PPP2R3A: variants seen among roughly 807,000 people sequenced by gnomAD.
PPP2R3A encodes the protein protein phosphatase 2 regulatory subunit B''alpha.
PPP2R3A carries 80 observed loss-of-function variants against 106.9 expected under a neutral mutation model. That is an observed-to-expected ratio of 0.75 (90% CI 0.62 to 0.90). The LOEUF (loss-of-function observed/expected upper bound fraction) is 0.90, where lower values mean the gene tolerates loss of function less well. Ranked by LOEUF, PPP2R3A falls within the 40% of genes least tolerant of loss-of-function variation. The pLI is 0.00. For missense variants in PPP2R3A, 1,386 were observed against 1,350.4 expected (o/e 1.03, Z -0.41); for synonymous variants, 483 against 468.3 (o/e 1.03, Z -0.41).
chr3:136,118,159 C>T (rs1197441316), intron 13 of PPP2R3A, among the ~76,000 whole-genome samples: 1 of 152,164 alleles, frequency 6.6e-6, no homozygotes, highest in Non-Finnish European at 1.5e-5. Context: ...TAGAAAAGGC[C>T]TTCGACAAAA....
At chr3:136,007,269 A>G (rs1236036136) in intron 2 of PPP2R3A, among the ~76,000 whole-genome samples, 2 of 152,232 alleles carry the variant, frequency 1.3e-5, no homozygotes, top group Non-Finnish European at 2.9e-5. Context: ...GAATGAATAA[A>G]TGAGTAAGTG....
intron 7 of PPP2R3A, among the ~76,000 whole-genome samples, chr3:136,081,250 C>G (rs1349514876): frequency 6.6e-6 from 1 of 152,194 alleles, no homozygotes; most frequent in Non-Finnish European, 1.5e-5. Context: ...CTCAGCCTCC[C>G]AAAGTGCTGG....
At chr3:136,074,528 A>G (rs142236497) in intron 6 of PPP2R3A, among the ~76,000 whole-genome samples, 1 of 152,254 alleles carries the variant, frequency 6.6e-6, no homozygotes, top group East Asian at 1.9e-4. Context: ...ATTGCCAGTG[A>G]ATAAAAGGTT....
intron 6 of PPP2R3A, among the ~76,000 whole-genome samples, chr3:136,072,645 G>T (rs1936473472): frequency 6.6e-6 from 1 of 152,132 alleles, no homozygotes; most frequent in African/African-American, 2.4e-5. Flanking sequence ...GAGAATTATT[G>T]GGTTCTGAAT....
At chr3:136,032,035 G>T (rs1934910905) in intron 3 of PPP2R3A, among the ~76,000 whole-genome samples, 1 of 152,142 alleles carries the variant, frequency 6.6e-6, no homozygotes, top group South Asian at 2.1e-4. Flanking sequence ...TTCTAATTCT[G>T]TGAAAAATGT....
chr3:136,048,088 CT>C (rs1265272832), intron 4 of PPP2R3A, among the ~76,000 whole-genome samples: 1 of 151,804 alleles, frequency 6.6e-6, no homozygotes, highest in African/African-American at 2.4e-5. Flanking sequence ...ACATGTACCC[CT>C]GTACCTATAA....
chr3:136,008,058 A>G lies in PPP2R3A; in HGVS notation c.1995+4565A>G, dbSNP rs79209724. 3.0e-4 allele frequency among the ~76,000 whole-genome samples: 46 copies of G among 152,360 alleles called. 1 individual carries two copies. In the East Asian group the frequency reaches 6.9e-3, roughly 23 times the overall value. On this transcript the variant is annotated intron_variant, in intron 2 of 13. Transcript: ENST00000264977. ...TAGGTTTCCTCATTGTTTAGATAGT[A>G]TAGTGTATAGTTTTATATGCATATT...
At chr3:136,116,602 A>T (rs534283088) in intron 13 of PPP2R3A, among the ~76,000 whole-genome samples, 1 of 152,350 alleles carries the variant, frequency 6.6e-6, no homozygotes, top group South Asian at 2.1e-4. Flanking sequence ...CTAGTCTCTG[A>T]TAAAACAGAC....
At chr3:136,072,977 G>T (rs973826612) in intron 6 of PPP2R3A, among the ~76,000 whole-genome samples, 5 of 151,408 alleles carry the variant, frequency 3.3e-5, no homozygotes, top group Non-Finnish European at 5.9e-5. Context: ...GTTTGTTTGG[G>T]TTTTTTTTGA....
chr3:136,116,155 G>A (rs1054118174), intron 13 of PPP2R3A, among the ~76,000 whole-genome samples: 6 of 152,154 alleles, frequency 3.9e-5, no homozygotes, highest in South Asian at 2.1e-4. Flanking sequence ...CTTCACAAGC[G>A]AAAGAGAAAT....
Position 136,040,946 on chromosome 3 carries a change from A to G in PPP2R3A, c.2350A>G (p.Ile784Val). Residue 784 changes from isoleucine to valine, a missense_variant, in exon 4 of 14, where the codon ATT becomes GTT. Transcript: ENST00000264977. ...AGGATTTGTGACAGCACAGTCATTC[A>G]TTGCCATGTGGAGAAAGTAAGTATG... ...KTGFVTAQSF[I>V]AMWRKLLNNH... 4 of 1,613,424 alleles carry G rather than the reference A, an allele frequency of 2.5e-6. No homozygotes were observed. The highest frequency in any genetic ancestry group is 3.4e-6 in the Non-Finnish European group (4 of 1,179,692).
chr3:136,085,013 G>A (rs1936885684), intron 8 of PPP2R3A, among the ~76,000 whole-genome samples: 1 of 152,172 alleles, frequency 6.6e-6, no homozygotes, highest in African/African-American at 2.4e-5. Context: ...TTGAGTTAAT[G>A]CTAAAATGAG....
intron 1 of PPP2R3A, among the ~76,000 whole-genome samples, chr3:135,981,287 G>A (rs1195182480): frequency 6.6e-6 from 1 of 151,816 alleles, no homozygotes; most frequent in African/African-American, 2.4e-5. Flanking sequence ...GTAGCAGATT[G>A]TCTTCTCTAC....
At chr3:136,120,946 G>A (rs1211644321) in intron 13 of PPP2R3A, among the ~76,000 whole-genome samples, 11 of 152,140 alleles carry the variant, frequency 7.2e-5, no homozygotes, top group Admixed American at 7.2e-4. Context: ...TGTTGGCAGG[G>A]TTCCAGAGAA....
chr3:136,083,523 C>A (rs1004432059), intron 8 of PPP2R3A, among the ~76,000 whole-genome samples: 3 of 152,122 alleles, frequency 2.0e-5, no homozygotes, highest in Non-Finnish European at 2.9e-5. Flanking sequence ...TATAAATTAC[C>A]CAGTCTCAGG....
intron 5 of PPP2R3A, among the ~76,000 whole-genome samples, chr3:136,055,014 A>C (rs898326621): frequency 1.3e-5 from 2 of 152,252 alleles, no homozygotes; most frequent in Non-Finnish European, 1.5e-5. Context: ...TTAAAACCTT[A>C]AAATGCTACT....
chr3:136,030,778 A>ATATATATATGTATG (rs1206335696), intron 3 of PPP2R3A, among the ~76,000 whole-genome samples: 8 of 111,304 alleles, frequency 7.2e-5, no homozygotes, highest in South Asian at 3.0e-4. Flanking sequence ...ATATATATAT[A>ATATATATATGTATG]TATGTATGTA....
At chr3:135,977,996 T>C (rs1937466875) in intron 1 of PPP2R3A, among the ~76,000 whole-genome samples, 2 of 152,250 alleles carry the variant, frequency 1.3e-5, no homozygotes, top group South Asian at 2.1e-4. Context: ...CCACCACACC[T>C]GGCTGATCAG....
At chr3:136,028,191 A>G (rs1218805321) in intron 3 of PPP2R3A, among the ~76,000 whole-genome samples, 1 of 152,190 alleles carries the variant, frequency 6.6e-6, no homozygotes, top group Non-Finnish European at 1.5e-5. Context: ...ACTTTGTTGA[A>G]GACCTAGCTT....
Sources: gnomAD v4.1 joint callset for allele counts (sites outside exome capture counted in the v4.1 genomes callset) on GRCh38, gnomAD v4.1.1 for gene constraint, MANE v1.5 for transcripts, NCBI Gene and HGNC (gene_info 2026-07-23, HGNC 2026-07-21) for gene names.